Variants in FBXL5 observed in about 807,000 individuals in gnomAD.
FBXL5 encodes the protein F-box and leucine rich repeat protein 5, also known as F-box/LRR-repeat protein 5.
A neutral mutation model predicts 78.3 loss-of-function variants in FBXL5; 26 were observed. The ratio of observed to expected loss-of-function variants is 0.33; its 90% CI spans 0.24 to 0.46. The LOEUF is 0.46. FBXL5 is among the 20% of genes least tolerant of loss of function. The pLI, the probability that FBXL5 is intolerant of heterozygous loss-of-function variation, is 1.00. For synonymous variants in FBXL5, 295 were observed against 282.5 expected, an observed-to-expected ratio of 1.04 and a Z score of -0.45; for missense variants, 710 against 829.2, an observed-to-expected ratio of 0.86 and a Z score of 1.77.
At chr4:15,637,681 TACATTTCA>T (rs1223871246) in intron 4 of FBXL5, among the ~76,000 whole-genome samples, 1 of 152,202 alleles carries the variant, frequency 6.6e-6, no homozygotes, top group Non-Finnish European at 1.5e-5. Context: ...AAGCACAAGC[TACATTTCA>T]TAGTAAGGCA....
At chr4:15,673,134 A>G (rs1179225918) in intron 1 of FBXL5, among the ~76,000 whole-genome samples, 4 of 152,154 alleles carry the variant, frequency 2.6e-5, no homozygotes, top group Non-Finnish European at 5.9e-5. Context: ...ACATAGGTAG[A>G]AAAAGTATAC....
intron 1 of FBXL5, among the ~76,000 whole-genome samples, chr4:15,680,512 T>C (rs920595773): frequency 9.9e-5 from 15 of 151,910 alleles, no homozygotes; most frequent in African/African-American, 3.1e-4. Context: ...CTTTGTATTT[T>C]TGAAAAATAC....
intron 1 of FBXL5, among the ~76,000 whole-genome samples, chr4:15,676,368 G>GA (rs1196355721): frequency 2.6e-5 from 4 of 151,996 alleles, no homozygotes; most frequent in African/African-American, 9.7e-5. Flanking sequence ...GTATGAGGAT[G>GA]GAAACAGCCA....
chr4:15,648,430 T>C (rs1480924697), intron 1 of FBXL5, among the ~76,000 whole-genome samples: 1 of 152,182 alleles, frequency 6.6e-6, no homozygotes, highest in Admixed American at 6.5e-5. Context: ...ATATCTGCAC[T>C]CCCATGTTCA....
intron 1 of FBXL5, among the ~76,000 whole-genome samples, chr4:15,670,174 A>G (rs1317884525): frequency 1.3e-5 from 2 of 152,184 alleles, no homozygotes; most frequent in African/African-American, 4.8e-5. Context: ...TATTCACCTG[A>G]TAGGCACTTT....
At chr4:15,626,825 C>A in intron 8 of FBXL5, 48 bp downstream of exon 8, 1 of 1,306,686 alleles carries the variant, frequency 7.7e-7, no homozygotes, top group Non-Finnish European at 1.1e-6. Flanking sequence ...TAAATGAAAC[C>A]TTATAAAATA....
At chr4:15,667,840 G>C (rs764840862) in intron 1 of FBXL5, among the ~76,000 whole-genome samples, 1 of 152,032 alleles carries the variant, frequency 6.6e-6, no homozygotes, top group African/African-American at 2.4e-5. Context: ...TCAGGAGTTC[G>C]AGACTAGCCT....
chr4:15,664,483 G>A (rs73243112), upstream of FBXL5, among the ~76,000 whole-genome samples: 13,916 of 147,276 alleles, frequency 0.094, 783 homozygotes, highest in Non-Finnish European at 0.13. Context: ...CACTTATAAA[G>A]TTAAATATAC....
Position 15,655,350 on chromosome 4 carries a change from C to T in FBXL5, c.-63G>A. 1.6e-6 allele frequency: 2 copies of T among 1,257,438 alleles called. No individual in the cohort carries two copies. Among genetic ancestry groups the T allele is most frequent in the South Asian group, 1.7e-5 (1 of 57,838 alleles). The allele number at this position is 1,257,438 out of a possible 1,614,324, so 77.9% of individuals were successfully genotyped here. On this transcript the variant is annotated 5_prime_UTR_variant, in exon 1 of 11. Coordinates refer to ENST00000341285, the MANE Select transcript of FBXL5 (RefSeq NM_012161.4). ...GCCGCCTCTCCATAGACACCCTCGCCGCGGGGCAGAGGCGGCGCGCCCCCT... is the reference window on the plus strand; with the variant it reads ...GCCGCCTCTCCATAGACACCCTCGCTGCGGGGCAGAGGCGGCGCGCCCCCT...
In FBXL5 at chr4:15,625,734, T is replaced by C; in HGVS notation, c.1368A>G (p.Gly456=). The change falls in exon 9 of 11, where the codon GGA becomes GGG. Residue 456 remains glycine (G), a synonymous_variant. Transcript: ENST00000341285. ...CLHDLTNKGI[G]EEIDNEHPWT... ...AGGGGTGTTCATTATCTATTTCTTC[T>C]CCAATGCCCTTGTTAGTTAAATCGT... is the stretch of plus-strand genomic sequence containing the variant. 1 of 1,614,204 alleles carries C rather than the reference T, an allele frequency of 6.2e-7. No individual in the cohort carries two copies. Among genetic ancestry groups the C allele is most frequent in the Non-Finnish European group, 8.5e-7 (1 of 1,180,012 alleles).
At chr4:15,641,377 C>A in intron 2 of FBXL5, 1 of 345,944 alleles carries the variant, frequency 2.9e-6, no homozygotes, top group Non-Finnish European at 5.6e-6. Flanking sequence ...GCAAGACCAA[C>A]CCCACCTCTT....
intron 10 of FBXL5, among the ~76,000 whole-genome samples, chr4:15,608,976 A>G (rs1165471732): frequency 1.3e-5 from 2 of 152,204 alleles, no homozygotes; most frequent in African/African-American, 4.8e-5. Flanking sequence ...CAACATTAAC[A>G]ATAAAATCCT....
At chr4:15,655,820 G>C (rs1716867564), upstream of FBXL5, among the ~76,000 whole-genome samples, 1 of 152,176 alleles carries the variant, frequency 6.6e-6, no homozygotes, top group African/African-American at 2.4e-5. Context: ...CCCTGCGATT[G>C]GCCCGTGCCA....
At chr4:15,641,591 T>C (rs748843150) in intron 2 of FBXL5, 30 of 458,248 alleles carry the variant, frequency 6.5e-5, no homozygotes, top group South Asian at 4.7e-4. Flanking sequence ...TCGATTGTTT[T>C]ATGTTATTGG....
chr4:15,641,033 T>G (rs191896759), intron 2 of FBXL5, 150 bp from the exon 3 acceptor site: 7 of 481,760 alleles, frequency 1.5e-5, no homozygotes, highest in African/African-American at 1.4e-4. Context: ...ACATAAAAGA[T>G]ACCCATAAAA....
intron 5 of FBXL5, among the ~76,000 whole-genome samples, chr4:15,634,765 A>G (rs1184958082): frequency 6.6e-6 from 1 of 152,162 alleles, no homozygotes; most frequent in East Asian, 1.9e-4. Flanking sequence ...AAAGCAGTAT[A>G]TTTGAGATTT....
chr4:15,642,243 CTTTTTT>C (rs34820897), intron 2 of FBXL5, among the ~76,000 whole-genome samples: 1 of 141,772 alleles, frequency 7.1e-6, no homozygotes, highest in African/African-American at 2.6e-5. Flanking sequence ...ATAATGAAAA[CTTTTTT>C]TTTTTTTTTT....
In FBXL5 at chr4:15,674,037, C is replaced by T. The variant is rs138051158; in HGVS notation, c.-284+7346G>A. Among the ~76,000 whole-genome samples, 75 of 152,246 alleles carry T rather than the reference C, an allele frequency of 4.9e-4. No individual in the cohort carries two copies. In the East Asian group the frequency reaches 9.5e-3, roughly 19 times the overall value. ...GCCTGTATCAAACTTTTAACCATTA[C>T]ATGCCAGAACAAAAATTGATACATT... On this transcript the variant is annotated intron_variant, in intron 1 of 4. Transcript: ENST00000507899.
At chr4:15,648,188 AAC>A (rs1256674199) in intron 1 of FBXL5, among the ~76,000 whole-genome samples, 11 of 152,228 alleles carry the variant, frequency 7.2e-5, no homozygotes, top group Non-Finnish European at 1.5e-5. Flanking sequence ...TAATATAAAG[AAC>A]ACAGAATATA....
Sources: allele counts gnomAD v4.1 joint callset (sites outside exome capture counted in the v4.1 genomes callset), GRCh38; gene constraint gnomAD v4.1.1; transcripts MANE v1.5; gene names NCBI Gene and HGNC (gene_info 2026-07-23, HGNC 2026-07-21).